The following CFAP299 variants were observed in gnomAD, a reference collection of about 807,000 sequenced individuals.
CFAP299 encodes the protein cilia- and flagella-associated protein 299.
CFAP299 carries 21 observed loss-of-function variants against 27.0 expected under a neutral mutation model. The observed-to-expected ratio is 0.78, with a 90% CI of 0.55 to 1.12. The LOEUF (loss-of-function observed/expected upper bound fraction) is 1.12, where lower values mean the gene tolerates loss of function less well. Among genes scored for constraint, CFAP299 ranks in the 50% most tolerant of loss-of-function variants. The pLI is 0.00. For missense variants in CFAP299, 310 were observed against 276.6 expected (o/e 1.12, Z -0.86); for synonymous variants, 104 against 98.1 (o/e 1.06, Z -0.36).
intron 3 of CFAP299, among the ~76,000 whole-genome samples, chr4:80,751,524 C>T (rs952651586): frequency 5.9e-5 from 9 of 152,168 alleles, no homozygotes; most frequent in African/African-American, 2.2e-4. Context: ...AGAACCATAG[C>T]TGGAGTGGCT....
chr4:80,844,791 G>A (rs549758766), intron 3 of CFAP299, among the ~76,000 whole-genome samples: 1 of 152,256 alleles, frequency 6.6e-6, no homozygotes, highest in South Asian at 2.1e-4. Context: ...GGCTTTTGTT[G>A]CCATTGCTTT....
chr4:80,946,056 G>A (rs920225185), intron 5 of CFAP299, among the ~76,000 whole-genome samples: 2 of 150,948 alleles, frequency 1.3e-5, no homozygotes, highest in African/African-American at 2.4e-5. Context: ...AGCAGGCTGA[G>A]GCAGGAGAAT....
Position 80,620,417 on chromosome 4 carries a change from T to C in CFAP299, c.333+37234T>C, listed in dbSNP as rs150071779. Among the ~76,000 whole-genome samples, 572 of 152,268 alleles carry C rather than the reference T, an allele frequency of 3.8e-3. 3 individuals are homozygous for C. The highest frequency in any genetic ancestry group is 6.4e-3 in the Non-Finnish European group (433 of 67,970). ...GACCATGGAGTTGCCAGACATGGCA[T>C]AGTGATGAAGAAGTTGTTGCTCTAC... On this transcript the variant is annotated intron_variant, in intron 3 of 5. Coordinates refer to ENST00000358105, the MANE Select transcript of CFAP299 (RefSeq NM_152770.3).
intron 2 of CFAP299, among the ~76,000 whole-genome samples, chr4:80,415,768 GTTATA>G (rs1298785258): frequency 6.6e-6 from 1 of 152,142 alleles, no homozygotes. Flanking sequence ...GTGAGGATGT[GTTATA>G]TTATAGGGAA....
intron 3 of CFAP299, among the ~76,000 whole-genome samples, chr4:80,712,708 T>G (rs1451092360): frequency 6.6e-6 from 1 of 152,180 alleles, no homozygotes; most frequent in Non-Finnish European, 1.5e-5. Flanking sequence ...ATTAGTATGT[T>G]TTTCCCTTCG....
intron 2 of CFAP299, among the ~76,000 whole-genome samples, chr4:80,565,668 C>G (rs569413401): frequency 5.9e-5 from 9 of 151,852 alleles, no homozygotes; most frequent in Non-Finnish European, 1.0e-4. Flanking sequence ...TTAAAAATGA[C>G]CTTTTGCAAC....
intron 2 of CFAP299, among the ~76,000 whole-genome samples, chr4:80,460,431 G>A (rs1451330679): frequency 6.6e-6 from 1 of 152,084 alleles, no homozygotes; most frequent in Non-Finnish European, 1.5e-5. Flanking sequence ...ATTTTGGGGT[G>A]AAATTTTTTT....
chr4:80,689,250 C>T (rs1720470509), intron 3 of CFAP299, among the ~76,000 whole-genome samples: 1 of 152,050 alleles, frequency 6.6e-6, no homozygotes, highest in South Asian at 2.1e-4. Context: ...TCAGATTCAC[C>T]AACGTTGAAA....
intron 3 of CFAP299, among the ~76,000 whole-genome samples, chr4:80,615,154 T>C (rs1177168274): frequency 6.6e-6 from 1 of 152,182 alleles, no homozygotes; most frequent in Admixed American, 6.6e-5. Flanking sequence ...TTGACTAATA[T>C]TGAGAACTAC....
chr4:80,328,231 A>G, the CFAP299 span, among the ~76,000 whole-genome samples: 1 of 152,168 alleles, frequency 6.6e-6, no homozygotes, highest in African/African-American at 2.4e-5. Flanking sequence ...AATAATTGAA[A>G]CAAAACATGG....
intron 3 of CFAP299, among the ~76,000 whole-genome samples, chr4:80,731,241 A>G (rs1723503335): frequency 6.6e-6 from 1 of 152,198 alleles, no homozygotes; most frequent in South Asian, 2.1e-4. Flanking sequence ...CAACTCACAT[A>G]CTGAAGCTGG....
At chr4:80,825,545 A>G (rs1729938031) in intron 3 of CFAP299, among the ~76,000 whole-genome samples, 1 of 152,034 alleles carries the variant, frequency 6.6e-6, no homozygotes, top group South Asian at 2.1e-4. Flanking sequence ...AAAAGTATCA[A>G]CATATTTTCC....
intron 3 of CFAP299, among the ~76,000 whole-genome samples, chr4:80,826,102 G>GT (rs900304317): frequency 1.8e-4 from 27 of 151,828 alleles, no homozygotes; most frequent in African/African-American, 6.5e-4. Flanking sequence ...GGATGAAACT[G>GT]TATAAAAGCA....
At chr4:80,369,293 G>A (rs1383678444) in intron 2 of CFAP299, among the ~76,000 whole-genome samples, 2 of 152,184 alleles carry the variant, frequency 1.3e-5, no homozygotes. Flanking sequence ...CTCCTCCAGA[G>A]CATAAAGGCC....
At chr4:80,912,738 A>G (rs373618941) in intron 4 of CFAP299, among the ~76,000 whole-genome samples, 1 of 152,130 alleles carries the variant, frequency 6.6e-6, no homozygotes, top group East Asian at 1.9e-4. Context: ...TTCTGGCAGC[A>G]CTAACTCACA....
chr4:80,454,816 T>G (rs1302441830), intron 2 of CFAP299, among the ~76,000 whole-genome samples: 1 of 152,084 alleles, frequency 6.6e-6, no homozygotes, highest in African/African-American at 2.4e-5. Flanking sequence ...CTCAAATTAG[T>G]CTTTCTGAAA....
intron 3 of CFAP299, among the ~76,000 whole-genome samples, chr4:80,808,857 T>C (rs140721730): frequency 3.0e-4 from 46 of 152,222 alleles, no homozygotes; most frequent in African/African-American, 1.0e-3. Context: ...CATAGTCCCA[T>C]GATTTACGAT....
chr4:80,591,166 C>A, intron 3 of CFAP299, among the ~76,000 whole-genome samples: 1 of 141,062 alleles, frequency 7.1e-6, no homozygotes, highest in Middle Eastern at 3.7e-3. Context: ...CTCTGTCGCC[C>A]AGGCTGGAGT....
intron 2 of CFAP299, among the ~76,000 whole-genome samples, chr4:80,429,579 ATC>A (rs916324079): frequency 6.6e-5 from 10 of 152,108 alleles, no homozygotes; most frequent in Admixed American, 2.0e-4. Context: ...AATTTTATAC[ATC>A]TTTGGGTAAT....
Sources: gnomAD v4.1 joint callset for allele counts (sites outside exome capture counted in the v4.1 genomes callset) on GRCh38, gnomAD v4.1.1 for gene constraint, MANE v1.5 for transcripts, NCBI Gene and HGNC (gene_info 2026-07-23, HGNC 2026-07-21) for gene names.